The following CCDC91 variants were observed in gnomAD, a reference collection of about 807,000 sequenced individuals.
CCDC91 encodes coiled-coil domain containing 91, also known as coiled-coil domain-containing protein 91.
A neutral mutation model predicts 63.2 loss-of-function variants in CCDC91; 48 were observed. The observed-to-expected ratio is 0.76, with a 90% CI of 0.60 to 0.97. CCDC91 has a LOEUF of 0.97. Ranked by LOEUF, CCDC91 falls within the 50% of genes least tolerant of loss-of-function variation. The probability of loss-of-function intolerance (pLI) is 0.00; values close to 1 mark genes in which losing one functional copy is unlikely to be tolerated. For missense variants in CCDC91, 500 were observed against 494.6 expected (o/e 1.01, Z -0.10); for synonymous variants, 167 against 165.8 (o/e 1.01, Z -0.06).
At chr12:28,342,814 A>G (rs1475194780) in intron 6 of CCDC91, among the ~76,000 whole-genome samples, 1 of 152,182 alleles carries the variant, frequency 6.6e-6, no homozygotes, top group African/African-American at 2.4e-5. Flanking sequence ...CATATGTGGA[A>G]AGGCATTTCT....
intron 1 of CCDC91, among the ~76,000 whole-genome samples, chr12:28,249,257 T>G (rs537780181): frequency 6.6e-6 from 1 of 152,282 alleles, no homozygotes. Flanking sequence ...TATGTGATTT[T>G]GTTCTGATAG....
intron 12 of CCDC91, among the ~76,000 whole-genome samples, chr12:28,513,540 A>C (rs1012253555): frequency 6.6e-6 from 1 of 151,872 alleles, no homozygotes; most frequent in African/African-American, 2.4e-5. Context: ...CAAATATTCC[A>C]AAATCAAAAA....
At position 28,291,702 on chromosome 12, in the gene CCDC91, C is replaced by T. The variant is rs545623188; in HGVS notation, c.110-13947C>T. Among the ~76,000 whole-genome samples the T allele has an allele frequency of 1.0e-3, 157 of 152,272 alleles. 1 individual carries two copies. The highest frequency in any genetic ancestry group is 3.4e-3 in the African/African-American group (142 of 41,564). ...ATTGAGAAATGATTCATTGTTGTTGCATAGAATAAGAGAAGACAACACTTC... is the reference window on the plus strand; with the variant it reads ...ATTGAGAAATGATTCATTGTTGTTGTATAGAATAAGAGAAGACAACACTTC... On this transcript the variant is annotated intron_variant, in intron 3 of 12. Transcript: ENST00000536442.
chr12:28,479,439 GATC>G (rs999488206), intron 11 of CCDC91, among the ~76,000 whole-genome samples: 1 of 151,924 alleles, frequency 6.6e-6, no homozygotes, highest in African/African-American at 2.4e-5. Context: ...ACATGATGGG[GATC>G]ATCACACACT....
intron 8 of CCDC91, among the ~76,000 whole-genome samples, chr12:28,407,559 A>G (rs1236562287): frequency 6.6e-6 from 1 of 152,148 alleles, no homozygotes; most frequent in African/African-American, 2.4e-5. Flanking sequence ...TTTATTTTAC[A>G]AAGTTGTTTT....
At chr12:28,409,814 T>C (rs886554365) in intron 8 of CCDC91, among the ~76,000 whole-genome samples, 6 of 152,194 alleles carry the variant, frequency 3.9e-5, no homozygotes, top group African/African-American at 1.2e-4. Context: ...TTAGAAGAGT[T>C]TTTATTTAGT....
At chr12:28,541,513 A>G (rs953495746) in intron 12 of CCDC91, among the ~76,000 whole-genome samples, 2 of 152,166 alleles carry the variant, frequency 1.3e-5, no homozygotes, top group African/African-American at 4.8e-5. Context: ...ATAGTAATTG[A>G]CAGATATTGT....
At chr12:28,317,872 A>G (rs1222891551) in intron 6 of CCDC91, among the ~76,000 whole-genome samples, 1 of 151,748 alleles carries the variant, frequency 6.6e-6, no homozygotes, top group Non-Finnish European at 1.5e-5. Flanking sequence ...TACCAACACC[A>G]TGATTGATGT....
intron 12 of CCDC91, among the ~76,000 whole-genome samples, chr12:28,515,973 G>C (rs1279668310): frequency 8.6e-5 from 13 of 151,836 alleles, no homozygotes; most frequent in African/African-American, 3.1e-4. Context: ...ATTGAAAGGG[G>C]TTAGTTAGTA....
intron 12 of CCDC91, among the ~76,000 whole-genome samples, chr12:28,541,127 C>G (rs1942599786): frequency 6.6e-6 from 1 of 152,084 alleles, no homozygotes; most frequent in African/African-American, 2.4e-5. Flanking sequence ...TTTTAAGCCA[C>G]TAGGTTTTGG....
intron 8 of CCDC91, among the ~76,000 whole-genome samples, chr12:28,426,831 A>C (rs118161442): frequency 0.025 from 3,791 of 152,276 alleles, 80 homozygotes; most frequent in Non-Finnish European, 0.038. Flanking sequence ...TTGCTCCTTC[A>C]GACATTTTAG....
intron 11 of CCDC91, among the ~76,000 whole-genome samples, chr12:28,467,301 A>C (rs1211235883): frequency 6.6e-6 from 1 of 152,094 alleles, no homozygotes; most frequent in Non-Finnish European, 1.5e-5. Flanking sequence ...GAAACCAAAA[A>C]TGAGCAGGAG....
intron 3 of CCDC91, among the ~76,000 whole-genome samples, chr12:28,286,180 A>G (rs1263952252): frequency 6.6e-6 from 1 of 151,778 alleles, no homozygotes; most frequent in Admixed American, 6.6e-5. Flanking sequence ...TATCTAAGTT[A>G]TACCTTCATA....
chr12:28,367,791 T>A (rs1180978767), intron 7 of CCDC91, among the ~76,000 whole-genome samples: 14 of 152,160 alleles, frequency 9.2e-5, no homozygotes, highest in South Asian at 2.1e-4. Context: ...TTTTTTTTTT[T>A]AATTCAGATA....
At chr12:28,543,464 A>G (rs1315861934) in intron 12 of CCDC91, among the ~76,000 whole-genome samples, 1 of 151,920 alleles carries the variant, frequency 6.6e-6, no homozygotes, top group Non-Finnish European at 1.5e-5. Context: ...TTCTGTTTCT[A>G]GTGATAAGCA....
At chr12:28,367,552 G>T (rs898959278) in intron 7 of CCDC91, among the ~76,000 whole-genome samples, 3 of 152,170 alleles carry the variant, frequency 2.0e-5, no homozygotes, top group Non-Finnish European at 2.9e-5. Flanking sequence ...AGTGAAGAAA[G>T]AAGGCAAAAC....
At chr12:28,231,198 T>C (rs533374251) in intron 1 of CCDC91, among the ~76,000 whole-genome samples, 17 of 152,346 alleles carry the variant, frequency 1.1e-4, no homozygotes, top group Middle Eastern at 3.4e-3. Context: ...CTGGAAATCC[T>C]GTCTCTGTGG....
At chr12:28,242,348 T>C (rs1945403657) in intron 1 of CCDC91, among the ~76,000 whole-genome samples, 1 of 152,212 alleles carries the variant, frequency 6.6e-6, no homozygotes, top group Non-Finnish European at 1.5e-5. Context: ...GTGTCCAGTT[T>C]ATTCTTAACA....
At chr12:28,195,710 A>G (rs942869241) in intron 1 of CCDC91, among the ~76,000 whole-genome samples, 2 of 152,202 alleles carry the variant, frequency 1.3e-5, no homozygotes, top group African/African-American at 4.8e-5. Context: ...TTATTTCTAT[A>G]TAAAAGCATT....
Sources: gnomAD v4.1 joint callset for allele counts (sites outside exome capture counted in the v4.1 genomes callset) on GRCh38, gnomAD v4.1.1 for gene constraint, MANE v1.5 for transcripts, NCBI Gene and HGNC (gene_info 2026-07-23, HGNC 2026-07-21) for gene names.